Variants in CMAS observed in about 807,000 individuals in gnomAD.
CMAS encodes N-acylneuraminate cytidylyltransferase.
A neutral mutation model predicts 53.4 loss-of-function variants in CMAS; 21 were observed. That is an observed-to-expected ratio of 0.39 (90% CI 0.28 to 0.57). The LOEUF (loss-of-function observed/expected upper bound fraction) is 0.57, where lower values mean the gene tolerates loss of function less well. CMAS is among the 20% of genes least tolerant of loss of function. The probability of loss-of-function intolerance (pLI) is 0.56; values close to 1 mark genes in which losing one functional copy is unlikely to be tolerated. For synonymous variants in CMAS, 189 were observed against 195.2 expected (o/e 0.97, Z 0.27); for missense variants, 384 against 534.9 (o/e 0.72, Z 2.78).
chr12:22,054,158 C>T (rs985642494), intron 1 of CMAS, among the ~76,000 whole-genome samples: 7 of 151,920 alleles, frequency 4.6e-5, no homozygotes, highest in Non-Finnish European at 1.0e-4. Context: ...ATCTCGTGAC[C>T]TCAGGTGATC....
At position 22,046,550 on chromosome 12, in the gene CMAS, G is replaced by T; in HGVS notation, c.247G>T (p.Gly83Trp). The T allele has an allele frequency of 6.3e-7, 1 of 1,593,112 alleles. No individual in the cohort carries two copies. The highest frequency in any genetic ancestry group is 8.5e-7 in the Non-Finnish European group (1 of 1,171,202). The change falls in exon 1 of 8, where the codon GGG becomes TGG. Residue 83 changes from glycine to tryptophan, a missense_variant. Coordinates refer to ENST00000229329, the MANE Select transcript of CMAS (RefSeq NM_018686.6). ...GWVLRAALDS[G>W]AFQSVWVSTD... is the part of the protein sequence containing the mutation. ...GGTCCTGCGTGCGGCCCTGGATTCA[G>T]GGGCCTTCCAGAGGTGCGCATGTGC...
chr12:22,059,147 TA>T (rs1315562680), intron 4 of CMAS, among the ~76,000 whole-genome samples: 200 of 119,694 alleles, frequency 1.7e-3, no homozygotes, highest in African/African-American at 6.9e-3. Flanking sequence ...TATATATATA[TA>T]TTTTTTTTTT....
At position 22,055,276 on chromosome 12, in the gene CMAS, CTTAA is replaced by C; in HGVS notation, c.392_395del (p.Asn131IlefsTer8). 1 of 1,603,870 alleles carries C rather than the reference CTTAA, an allele frequency of 6.2e-7. No homozygotes were observed. Among genetic ancestry groups the C allele is most frequent in the Non-Finnish European group, 8.5e-7 (1 of 1,172,894 alleles). On this transcript the variant is annotated frameshift_variant, in exon 2 of 8. Transcript: ENST00000229329. LOFTEE classifies it high-confidence loss of function. ...CTCACTAGATGCCATCATAGAATTT[CTTAA>C]TTATCATAATGGTATGAATTTGATT...
intron 1 of CMAS, among the ~76,000 whole-genome samples, chr12:22,049,465 C>T (rs1392544915): frequency 6.6e-6 from 1 of 152,050 alleles, no homozygotes; most frequent in Non-Finnish European, 1.5e-5. Context: ...TTGTACAAAA[C>T]TTCTTTTAAA....
intron 2 of CMAS, 55 bp downstream of exon 2, chr12:22,055,346 T>C (rs1204160844): frequency 6.7e-7 from 1 of 1,487,572 alleles, no homozygotes; most frequent in East Asian, 2.3e-5. Flanking sequence ...CTACTTCCTT[T>C]ATTATCTTAT....
At chr12:22,053,989 C>T (rs1397810071) in intron 1 of CMAS, among the ~76,000 whole-genome samples, 1 of 151,028 alleles carries the variant, frequency 6.6e-6, no homozygotes, top group East Asian at 2.0e-4. Context: ...TGCAGTGGCG[C>T]GATCTCGGCT....
intron 7 of CMAS, among the ~76,000 whole-genome samples, chr12:22,064,478 C>T (rs979531476): frequency 5.9e-5 from 9 of 151,912 alleles, no homozygotes; most frequent in Admixed American, 1.3e-4. Context: ...TTATTTCATT[C>T]CTGATTCAAA....
intron 7 of CMAS, 120 bp downstream of exon 7, chr12:22,062,554 T>C: frequency 9.8e-7 from 1 of 1,016,210 alleles, no homozygotes; most frequent in South Asian, 1.5e-5. Context: ...ATAGGAACTC[T>C]TTTAACAAAC....
chr12:22,055,559 TTC>T lies in CMAS; in HGVS notation c.512_513del (p.Ser171CysfsTer11). On this transcript the variant is annotated frameshift_variant, in exon 3 of 8. Coordinates refer to ENST00000229329, the MANE Select transcript of CMAS (RefSeq NM_018686.6). LOFTEE classifies it high-confidence loss of function. Reference protein sequence around the residue: ...MIREEGYDSVFSVVRRHQFRW... With the variant: ...MIREEGYDSVXSVVRRHQFRW... ...TCGAGAAGAAGGATATGATTCTGTT[TTC>T]TCTGTTGTGAGACGCCATCAGTTTC... The T allele has an allele frequency of 6.2e-7, 1 of 1,612,582 alleles. No individual in the cohort carries two copies.
intron 1 of CMAS, among the ~76,000 whole-genome samples, chr12:22,051,212 T>C (rs1279814106): frequency 6.6e-6 from 1 of 152,228 alleles, no homozygotes; most frequent in Non-Finnish European, 1.5e-5. Context: ...AATGCTGAGA[T>C]AATTTTTTTT....
chr12:22,053,448 TTGTA>T (rs1950248313), intron 1 of CMAS, among the ~76,000 whole-genome samples: 3 of 150,364 alleles, frequency 2.0e-5, no homozygotes, highest in African/African-American at 7.3e-5. Flanking sequence ...ATATATAATT[TTGTA>T]TGTATATAAA....
chr12:22,048,178 C>T (rs1288307831), intron 1 of CMAS, among the ~76,000 whole-genome samples: 1 of 152,276 alleles, frequency 6.6e-6, no homozygotes. Context: ...TAGAGACAGC[C>T]CTTAGTCTCA....
chr12:22,052,546 T>G (rs1309810601), intron 1 of CMAS, among the ~76,000 whole-genome samples: 2 of 152,204 alleles, frequency 1.3e-5, no homozygotes, highest in Non-Finnish European at 2.9e-5. Context: ...TTAATGTAAA[T>G]TAGATGCCAA....
chr12:22,060,863 C>T lies in CMAS; in HGVS notation c.725C>T (p.Ala242Val), dbSNP rs1209417185. ...AAAATGGCATACTACGAAATGCGAG[C>T]TGAACATAGTGTGGATATAGATGTG... ...GGKMAYYEMR[A>V]EHSVDIDVDI... Residue 242 changes from alanine to valine, a missense_variant, in exon 5 of 8, where the codon GCT becomes GTT. By Grantham distance (64) the Ala-to-Val change is moderately conservative. Around this residue, in one of 3 missense-constraint regions of CMAS, gnomAD observed 139 missense variants for 248.0 expected, o/e 0.56. Coordinates refer to ENST00000229329, the MANE Select transcript of CMAS (RefSeq NM_018686.6). The T allele has an allele frequency of 1.2e-6, 2 of 1,611,662 alleles. No homozygotes were observed. Among genetic ancestry groups the T allele is most frequent in the African/African-American group, 1.3e-5 (1 of 74,918 alleles).
chr12:22,058,712 C>G lies in CMAS; in HGVS notation c.693+12C>G, dbSNP rs376643673. 20 of 1,611,076 alleles carry G rather than the reference C, an allele frequency of 1.2e-5. No homozygotes were observed. The African/African-American group carries it at 2.7e-4, about 22-fold the overall frequency. ...TGGGTTACTTGCAGGTTTGTACCTT[C>G]ATTTTGCATAACCCTTTTAAGCGCT... On this transcript the variant is annotated intron_variant, in intron 4 of 7. Transcript: ENST00000229329.
chr12:22,062,266 T>C lies in CMAS; in HGVS notation c.961-15T>C, dbSNP rs1950313131. On this transcript the variant is annotated splice_polypyrimidine_tract_variant and intron_variant, in intron 6 of 7. Transcript: ENST00000229329. ...TTCCCTTCTTCCTCCAATCCTTTTTTTTTTTTTTTTTAAGGTGAGGCTAAT... is the reference window on the plus strand; with the variant it reads ...TTCCCTTCTTCCTCCAATCCTTTTTCTTTTTTTTTTTAAGGTGAGGCTAAT... 1 of 1,533,938 alleles carries C rather than the reference T, an allele frequency of 6.5e-7. No individual in the cohort carries two copies. Among genetic ancestry groups the C allele is most frequent in the South Asian group, 1.3e-5 (1 of 78,842 alleles).
chr12:22,062,404 G>C lies in CMAS; in HGVS notation c.1084G>C (p.Gly362Arg), dbSNP rs1950314137. 1.9e-6 allele frequency: 3 copies of C among 1,613,288 alleles called. No individual in the cohort carries two copies. Among genetic ancestry groups the C allele is most frequent in the Non-Finnish European group, 2.5e-6 (3 of 1,179,586 alleles). ...AVVDEWRKEM[G>R]LCWKEVAYLG... ...TGTAGATGAATGGAGAAAAGAAATG[G>C]GCCTGTGCTGGAAAGAAGTGGCATA... The change falls in exon 7 of 8, where the codon GGC becomes CGC. Residue 362 changes from glycine (G) to arginine (R), a missense_variant. This residue lies in a region of CMAS where 134 missense variants were observed against 154.6 expected (regional missense o/e 0.87). Coordinates refer to ENST00000229329, the MANE Select transcript of CMAS (RefSeq NM_018686.6).
chr12:22,055,006 C>T, intron 1 of CMAS, 143 bp from the exon 2 acceptor site: 1 of 473,138 alleles, frequency 2.1e-6, no homozygotes, highest in Non-Finnish European at 3.7e-6. Flanking sequence ...ACATTTTATA[C>T]TCCTTTGGAT....
In CMAS at chr12:22,055,532, A is replaced by G; in HGVS notation, c.481A>G (p.Ile161Val). ...PTDLQKVAEM[I>V]REEGYDSVFS... is the part of the protein sequence containing the mutation. ...TGATCTTCAAAAAGTTGCAGAAATG[A>G]TTCGAGAAGAAGGATATGATTCTGT... The change falls in exon 3 of 8, where the codon ATT (isoleucine) becomes GTT (valine). Residue 161 changes from isoleucine to valine, a missense_variant. This residue lies in a region of CMAS where 139 missense variants were observed against 248.0 expected (regional missense o/e 0.56). Coordinates refer to ENST00000229329, the MANE Select transcript of CMAS (RefSeq NM_018686.6). The G allele has an allele frequency of 1.2e-6, 2 of 1,612,650 alleles. No individual in the cohort carries two copies. The highest frequency in any genetic ancestry group is 1.7e-6 in the Non-Finnish European group (2 of 1,179,652).
Sources: allele counts gnomAD v4.1 joint callset (sites outside exome capture counted in the v4.1 genomes callset), GRCh38; gene constraint gnomAD v4.1.1; regional missense constraint gnomAD v4.1.1; transcripts MANE v1.5; gene names NCBI Gene and HGNC (gene_info 2026-07-23, HGNC 2026-07-21).